Variants in HBS1L observed in about 807,000 individuals in gnomAD.
HBS1L encodes HBS1-like protein.
HBS1L carries 55 observed loss-of-function variants against 88.9 expected under a neutral mutation model. The ratio of observed to expected loss-of-function variants is 0.62; its 90% CI spans 0.50 to 0.77. HBS1L has a LOEUF of 0.77. Among genes scored for constraint, HBS1L ranks in the 30% least tolerant of loss-of-function variants. HBS1L has a pLI of 0.00. For missense variants in HBS1L, 741 were observed against 829.3 expected (o/e 0.89, Z 1.31); for synonymous variants, 267 against 288.5 (o/e 0.93, Z 0.76).
intron 6 of HBS1L, 57 bp from the exon 7 acceptor site, chr6:134,996,999 G>T: frequency 9.0e-6 from 11 of 1,225,950 alleles, no homozygotes; most frequent in South Asian, 3.1e-5. Flanking sequence ...TTCACATTGA[G>T]GCATTGCATA....
In HBS1L at chr6:135,001,713, C is replaced by T. The variant is rs181358816; in HGVS notation, c.539+1021G>A. On this transcript the variant is annotated intron_variant, in intron 5 of 17. Transcript: ENST00000367837. ...CATCCAATCATTCAATTAATGTACACTGAATGCCTACTATGTCCTAGATAA... is the reference window on the plus strand; with the variant it reads ...CATCCAATCATTCAATTAATGTACATTGAATGCCTACTATGTCCTAGATAA... Among the ~76,000 whole-genome samples the T allele has an allele frequency of 2.0e-3, 306 of 152,194 alleles. 1 individual carries two copies. Among genetic ancestry groups the T allele is most frequent in the African/African-American group, 7.3e-3 (302 of 41,542 alleles).
intron 4 of HBS1L, among the ~76,000 whole-genome samples, chr6:135,013,500 T>G (rs967201814): frequency 5.3e-5 from 8 of 152,234 alleles, no homozygotes; most frequent in African/African-American, 1.9e-4. Context: ...CCATGTCTAA[T>G]ATTTCACTTG....
Position 134,963,141 on chromosome 6 carries a change from C to T in HBS1L, c.*2138G>A, listed in dbSNP as rs1219459037. Reference sequence around the variant, plus strand: ...TTGTTTTTACTCCCCCTACCTTAAACCCCAATCCATTTCCCCTTCCTAACA... The same window carrying T: ...TTGTTTTTACTCCCCCTACCTTAAATCCCAATCCATTTCCCCTTCCTAACA... On this transcript the variant is annotated 3_prime_UTR_variant, in exon 18 of 18. Coordinates refer to ENST00000367837, the MANE Select transcript of HBS1L (RefSeq NM_006620.4). 2 of 152,116 alleles carry T rather than the reference C, an allele frequency of 1.3e-5. No individual in the cohort carries two copies. The highest frequency in any genetic ancestry group is 2.9e-5 in the Non-Finnish European group (2 of 68,028). 9.4% of individuals were successfully genotyped at this position (152,116 alleles called of 1,614,324 possible).
At chr6:135,032,165 A>T (rs1776405248) in intron 4 of HBS1L, among the ~76,000 whole-genome samples, 1 of 152,044 alleles carries the variant, frequency 6.6e-6, no homozygotes, top group Non-Finnish European at 1.5e-5. Context: ...TTTGTTTTTT[A>T]ATTTGTTTAT....
At chr6:134,982,320 A>C (rs1297851207) in intron 13 of HBS1L, 138 bp downstream of exon 13, 1 of 603,844 alleles carries the variant, frequency 1.7e-6, no homozygotes, top group Non-Finnish European at 3.0e-6. Context: ...TTAATCTTCA[A>C]CAGTCAGTAT....
Position 134,997,754 on chromosome 6 carries a change from T to C in HBS1L, c.540-98A>G, listed in dbSNP as rs1775334123. 3.5e-6 allele frequency: 4 copies of C among 1,132,970 alleles called. No individual in the cohort carries two copies. The South Asian group carries it at 5.4e-5, about 15-fold the overall frequency. 70.2% of individuals were successfully genotyped at this position (1,132,970 alleles called of 1,614,324 possible). On this transcript the variant is annotated intron_variant, in intron 5 of 17. Transcript: ENST00000367837. ...GAAACTGTTTCTTCATAATCCTTTA[T>C]GCTCCAGACCAGAAATAATCTCTGC...
At chr6:135,036,733 C>G in intron 4 of HBS1L, 1 of 1,551,168 alleles carries the variant, frequency 6.4e-7, no homozygotes, top group Non-Finnish European at 8.7e-7. Context: ...TCGCTTGCAG[C>G]TTTTCAGTGG....
At chr6:135,028,234 T>G (rs1361851237) in intron 4 of HBS1L, among the ~76,000 whole-genome samples, 1 of 143,934 alleles carries the variant, frequency 6.9e-6, no homozygotes, top group Non-Finnish European at 1.5e-5. Context: ...AACCAAAATT[T>G]AGGGAAGAAA....
intron 3 of HBS1L, 58 bp from the exon 4 acceptor site, chr6:135,039,825 A>T: frequency 7.1e-7 from 1 of 1,414,934 alleles, no homozygotes; most frequent in Non-Finnish European, 9.6e-7. Flanking sequence ...AAGAACTTTT[A>T]ATCTTCAAAA....
intron 15 of HBS1L, among the ~76,000 whole-genome samples, chr6:134,975,270 AAT>A (rs1774610856): frequency 6.6e-6 from 1 of 152,190 alleles, no homozygotes; most frequent in Non-Finnish European, 1.5e-5. Flanking sequence ...ATGGATGACA[AAT>A]GAACAGAGAT....
intron 17 of HBS1L, 22 bp downstream of exon 17, chr6:134,966,307 G>A: frequency 1.3e-6 from 2 of 1,593,846 alleles, no homozygotes; most frequent in Non-Finnish European, 1.7e-6. Context: ...GATATATAAT[G>A]AGTCACTTTA....
At chr6:135,050,381 T>G (rs1034966472) in intron 2 of HBS1L, among the ~76,000 whole-genome samples, 1 of 152,210 alleles carries the variant, frequency 6.6e-6, no homozygotes, top group African/African-American at 2.4e-5. Flanking sequence ...TCACATTATT[T>G]AAAACTAAAT....
intron 4 of HBS1L, among the ~76,000 whole-genome samples, chr6:135,016,855 C>G (rs1775936484): frequency 6.6e-6 from 1 of 152,008 alleles, no homozygotes; most frequent in South Asian, 2.1e-4. Flanking sequence ...ACTCTCTAAC[C>G]CAGTGATTCT....
chr6:135,006,422 G>T (rs1473757436), intron 4 of HBS1L, among the ~76,000 whole-genome samples: 1 of 152,080 alleles, frequency 6.6e-6, no homozygotes, highest in East Asian at 1.9e-4. Context: ...AGAGGGAGAA[G>T]AAAAGAGTAA....
chr6:134,989,258 C>CA (rs371003715), intron 8 of HBS1L, among the ~76,000 whole-genome samples: 6 of 152,296 alleles, frequency 3.9e-5, no homozygotes, highest in African/African-American at 1.4e-4. Context: ...TTTTAAAGAA[C>CA]ACTTTTATTT....
intron 3 of HBS1L, among the ~76,000 whole-genome samples, chr6:135,041,141 T>C (rs1401595081): frequency 9.1e-6 from 1 of 110,022 alleles, no homozygotes; most frequent in Non-Finnish European, 1.9e-5. Context: ...GGCAATACCC[T>C]TTCTTTAAAA....
At chr6:135,050,743 TG>T in intron 1 of HBS1L, 96 bp from the exon 2 acceptor site, 2 of 756,912 alleles carry the variant, frequency 2.6e-6, no homozygotes, top group South Asian at 3.6e-5. Flanking sequence ...CAAAATAAAC[TG>T]TTTATCAAAA....
rs1015341326 is a variant in HBS1L at position 134,964,030 on chromosome 6, C to T, written c.*1249G>A. The T allele has an allele frequency of 2.0e-5, 3 of 152,192 alleles. No homozygotes were observed. The highest frequency in any genetic ancestry group is 7.2e-5 in the African/African-American group (3 of 41,452). The allele number at this position is 152,192 out of a possible 1,614,324, so 9.4% of individuals were successfully genotyped here. A position where few individuals can be genotyped will look rare whatever the true frequency, so the allele number is the denominator to read the frequency against. On this transcript the variant is annotated 3_prime_UTR_variant, in exon 18 of 18. Coordinates refer to ENST00000367837, the MANE Select transcript of HBS1L (RefSeq NM_006620.4). ...TAAAGCAATATACCAAGTGTGTTCA[C>T]TTGGTAATCATTCACTAAGCAACAC...
At chr6:134,979,387 T>C in intron 13 of HBS1L, 119 bp from the exon 14 acceptor site, 1 of 705,210 alleles carries the variant, frequency 1.4e-6, no homozygotes, top group Non-Finnish European at 2.6e-6. Flanking sequence ...TCAATATGAA[T>C]GGATTGAGAG....
Sources: allele counts gnomAD v4.1 joint callset (sites outside exome capture counted in the v4.1 genomes callset), GRCh38; gene constraint gnomAD v4.1.1; transcripts MANE v1.5; gene names NCBI Gene and HGNC (gene_info 2026-07-23, HGNC 2026-07-21).